Variants in TRPC5 observed in about 807,000 individuals in gnomAD.
TRPC5 encodes transient receptor potential cation channel subfamily C member 5, also known as short transient receptor potential channel 5.
In TRPC5, 9 loss-of-function variants were observed where a neutral mutation model predicts 56.5. The observed-to-expected ratio is 0.16, with a 90% confidence interval of 0.10 to 0.28. The LOEUF is 0.28. Among genes scored for constraint, TRPC5 ranks in the 10% least tolerant of loss-of-function variants. The pLI is 1.00. For missense variants in TRPC5, 469 were observed against 748.9 expected, an observed-to-expected ratio of 0.63 and a Z score of 4.36; for synonymous variants, 282 against 278.5, an observed-to-expected ratio of 1.01 and a Z score of -0.13.
intron 1 of TRPC5, among the ~76,000 whole-genome samples, chrX:111,961,322 T>A (rs992548092): frequency 2.7e-5 from 3 of 112,330 alleles, no homozygotes; most frequent in African/African-American, 9.7e-5. Context: ...TATGCATTTT[T>A]AAATTAACTC....
At chrX:112,081,599 G>A (rs1317765105) in intron 1 of TRPC5, among the ~76,000 whole-genome samples, 1 of 111,475 alleles carries the variant, frequency 9.0e-6, no homozygotes, top group East Asian at 2.8e-4. Context: ...ACAAAGCTGT[G>A]GTTCAGGAAA....
chrX:111,988,370 G>T (rs1390556114), intron 1 of TRPC5, among the ~76,000 whole-genome samples: 1 of 111,121 alleles, frequency 9.0e-6, no homozygotes, highest in Non-Finnish European at 1.9e-5. Flanking sequence ...TCTATTGATT[G>T]CAATCTTTTA....
At chrX:112,043,220 A>T (rs957735601) in intron 1 of TRPC5, among the ~76,000 whole-genome samples, 6 of 112,268 alleles carry the variant, frequency 5.3e-5, no homozygotes, top group African/African-American at 1.9e-4. Flanking sequence ...TTTAAAGTTG[A>T]CTGACAATGT....
chrX:111,989,470 T>G (rs1286026928), intron 1 of TRPC5, among the ~76,000 whole-genome samples: 1 of 111,883 alleles, frequency 8.9e-6, no homozygotes, highest in South Asian at 3.8e-4. Flanking sequence ...GAAGTAAGAA[T>G]GTTCAGAATT....
intron 2 of TRPC5, among the ~76,000 whole-genome samples, chrX:111,933,436 G>A (rs1274409031): frequency 1.8e-5 from 2 of 110,797 alleles, no homozygotes; most frequent in Non-Finnish European, 3.8e-5. Flanking sequence ...ATCTGCCCAG[G>A]GACAGACAAT....
chrX:111,847,554 T>A, intron 5 of TRPC5, 118 bp from the exon 6 acceptor site: 1 of 592,643 alleles, frequency 1.7e-6, no homozygotes, highest in Non-Finnish European at 2.6e-6. Context: ...AAGCATTCAT[T>A]ATGCAACAGG....
At chrX:112,028,803 G>A (rs1322110378) in intron 1 of TRPC5, among the ~76,000 whole-genome samples, 11 of 111,652 alleles carry the variant, frequency 9.9e-5, no homozygotes, top group African/African-American at 2.3e-4. Context: ...TAATGGGATC[G>A]CTGGGTCAAA....
chrX:111,876,773 A>G (rs919354367), intron 3 of TRPC5, among the ~76,000 whole-genome samples: 2 of 112,028 alleles, frequency 1.8e-5, no homozygotes, highest in Admixed American at 9.5e-5. Flanking sequence ...AGAAATGAAA[A>G]GATGCAAAAC....
chrX:111,872,835 C>A (rs1028350736), intron 3 of TRPC5, among the ~76,000 whole-genome samples: 2 of 111,506 alleles, frequency 1.8e-5, no homozygotes, highest in African/African-American at 6.5e-5. Flanking sequence ...GTCAGAATGG[C>A]GATTATTAAA....
intron 3 of TRPC5, among the ~76,000 whole-genome samples, chrX:111,908,957 C>G (rs1020555885): frequency 3.7e-5 from 4 of 109,166 alleles, no homozygotes; most frequent in African/African-American, 6.7e-5. Flanking sequence ...TTGAAACCAG[C>G]CTAGGCAACA....
intron 7 of TRPC5, among the ~76,000 whole-genome samples, chrX:111,816,235 G>C (rs913952449): frequency 8.9e-6 from 1 of 111,979 alleles, no homozygotes; most frequent in African/African-American, 3.3e-5. Flanking sequence ...GACTGCACAG[G>C]AATCTCCTTT....
At chrX:112,015,385 T>A (rs1331642818) in intron 1 of TRPC5, among the ~76,000 whole-genome samples, 1 of 100,063 alleles carries the variant, frequency 1.0e-5, no homozygotes, top group Non-Finnish European at 2.1e-5. Context: ...GAATCTGGAT[T>A]TTTTTTTTTC....
At position 111,776,604 on chromosome X, in the gene TRPC5, C is replaced by A. The variant is rs144699143; in HGVS notation, c.2631G>T (p.Met877Ile). The change falls in exon 11 of 11, where the codon ATG becomes ATT. Residue 877 changes from methionine to isoleucine, a missense_variant. By Grantham distance (10) the Met-to-Ile change is conservative (BLOSUM62 1). Around this residue, in one of 3 missense-constraint regions of TRPC5, gnomAD observed 194 missense variants for 221.8 expected, o/e 0.87. Transcript: ENST00000262839. ...ISDGIVQQHC[M>I]WQDIRYSQME... is the part of the protein sequence containing the mutation. Reference sequence around the variant, plus strand: ...TCTGAGAATATCTGATGTCCTGCCACATACAGTGCTGCTGAACAATTCCAT... The same window carrying A: ...TCTGAGAATATCTGATGTCCTGCCAAATACAGTGCTGCTGAACAATTCCAT... 14 of 1,210,335 alleles carry A rather than the reference C, an allele frequency of 1.2e-5. No individual in the cohort carries two copies. In the African/African-American group the frequency reaches 1.9e-4, roughly 17 times the overall value.
intron 3 of TRPC5, among the ~76,000 whole-genome samples, chrX:111,870,592 AC>A (rs1196364665): frequency 9.0e-6 from 1 of 111,570 alleles, no homozygotes. Flanking sequence ...ATAAATAAAC[AC>A]CATAAATTGC....
intron 3 of TRPC5, among the ~76,000 whole-genome samples, chrX:111,907,451 C>G (rs1393548728): frequency 2.7e-5 from 3 of 109,622 alleles, no homozygotes; most frequent in Non-Finnish European, 5.7e-5. Flanking sequence ...CATGGTAAAA[C>G]CTGTCTCTAC....
At chrX:111,785,298 C>T (rs770723757) in intron 7 of TRPC5, among the ~76,000 whole-genome samples, 9 of 111,979 alleles carry the variant, frequency 8.0e-5, no homozygotes, top group Non-Finnish European at 1.3e-4. Context: ...CAGCAAACTC[C>T]AACAGACCTG....
At chrX:111,968,101 T>G (rs1373727542) in intron 1 of TRPC5, among the ~76,000 whole-genome samples, 1 of 105,865 alleles carries the variant, frequency 9.4e-6, no homozygotes, top group Non-Finnish European at 1.9e-5. Flanking sequence ...ATCCAGAATC[T>G]ACAATAAACT....
chrX:111,905,317 T>A (rs924208450), intron 3 of TRPC5, among the ~76,000 whole-genome samples: 2 of 111,328 alleles, frequency 1.8e-5, no homozygotes, highest in Non-Finnish European at 3.8e-5. Context: ...GGTTTTCTTC[T>A]GTCTATTTAA....
In TRPC5 at chrX:112,082,028, G is replaced by T. The variant is rs1356026818; in HGVS notation, c.-171C>A. 9.0e-6 allele frequency: 1 copy of T among 111,693 alleles called. No individual in the cohort carries two copies. Among genetic ancestry groups the T allele is most frequent in the African/African-American group, 3.3e-5 (1 of 30,650 alleles). The allele number at this position is 111,693 out of a possible 1,213,427, so 9.2% of individuals were successfully genotyped here. A position where few individuals can be genotyped will look rare whatever the true frequency, so the allele number is the denominator to read the frequency against. ...CCCGGGGCCTCTAGGCTGATGGGTG[G>T]GTGGGCGGATGAGCACAGGGAAAGG... On this transcript the variant is annotated 5_prime_UTR_variant, in exon 1 of 11. Coordinates refer to ENST00000262839, the MANE Select transcript of TRPC5 (RefSeq NM_012471.3).
Sources: gnomAD v4.1 joint callset for allele counts (sites outside exome capture counted in the v4.1 genomes callset) on GRCh38, gnomAD v4.1.1 for gene constraint, gnomAD v4.1.1 regional missense constraint, MANE v1.5 for transcripts, NCBI Gene and HGNC (gene_info 2026-07-23, HGNC 2026-07-21) for gene names.